Variants in PSD observed in about 807,000 individuals in gnomAD.
PSD encodes pleckstrin and Sec7 domain containing, also known as PH and SEC7 domain-containing protein 1.
Under a neutral mutation model 91.6 loss-of-function variants are expected in PSD, and 32 were observed. The observed-to-expected ratio is 0.35, with a 90% CI of 0.26 to 0.47. PSD has a LOEUF of 0.47. Ranked by LOEUF, PSD falls within the 20% of genes least tolerant of loss-of-function variation. The probability of loss-of-function intolerance (pLI) is 1.00; values close to 1 mark genes in which losing one functional copy is unlikely to be tolerated. For missense variants in PSD, 1,099 were observed against 1,373.9 expected (o/e 0.80, Z 3.16); for synonymous variants, 532 against 569.3 (o/e 0.93, Z 0.93).
Position 102,411,104 on chromosome 10 carries a change from G to T in PSD, c.1955C>A (p.Thr652Lys), listed in dbSNP as rs2061420325. The T allele has an allele frequency of 6.2e-7, 1 of 1,609,488 alleles. No homozygotes were observed. Among genetic ancestry groups the T allele is most frequent in the African/African-American group, 1.3e-5 (1 of 74,828 alleles). ...GAGCAGCATGAGCGCACAGGTCAGC[G>T]TGTGGGCGCCGTCTAGGGGAGAGCT... The part of the protein sequence containing the change: ...EALSSEDGAH[T>K]LTCALMLLNT... Residue 652 changes from threonine (T) to lysine (K), a missense_variant, in exon 9 of 17, where the codon ACG becomes AAG. Thr to Lys is a moderately conservative substitution (Grantham distance 78, BLOSUM62 -1). Around this residue, in one of 3 missense-constraint regions of PSD, gnomAD observed 110 missense variants for 218.7 expected, o/e 0.50. Transcript: ENST00000020673.
intron 10 of PSD, among the ~76,000 whole-genome samples, chr10:102,407,773 A>G (rs1323869208): frequency 6.6e-6 from 1 of 152,022 alleles, no homozygotes; most frequent in East Asian, 1.9e-4. Flanking sequence ...TTCCTTCCCT[A>G]ATAGAGAATA....
rs913411630 is a variant in PSD, at chr10:102,410,712, G to A, written c.2091+146C>T. 2.6e-5 allele frequency: 18 copies of A among 690,078 alleles called. No homozygotes were observed. In the Admixed American group the frequency reaches 3.9e-4, roughly 15 times the overall value. 42.7% of individuals were successfully genotyped at this position (690,078 alleles called of 1,614,324 possible). ...GGCCTGGGGAGGGGGCGGTCCCCAG[G>A]CTGAGTCACGAGAGCCCGGGCTTCC... On this transcript the variant is annotated intron_variant, in intron 10 of 16. Coordinates refer to ENST00000020673, the MANE Select transcript of PSD (RefSeq NM_002779.5). The surrounding 1 kb of genome is among the most constrained non-coding windows in gnomAD (Gnocchi z 6.0).
chr10:102,403,976 C>G lies in PSD; in HGVS notation c.2710G>C (p.Val904Leu). The G allele has an allele frequency of 6.4e-7, 1 of 1,556,586 alleles. No homozygotes were observed. Among genetic ancestry groups the G allele is most frequent in the African/African-American group, 1.4e-5 (1 of 73,802 alleles). The stretch of plus-strand genomic sequence containing the variant: ...TTCAGCTTGGCCTCGTGGGTCCGCA[C>G]CTGCTCCTCCTAGCGGCCAGGGGGA... ...AATRLSQEEQVRTHEAKLKAM... is the reference protein window; with the variant it reads ...AATRLSQEEQLRTHEAKLKAM... Residue 904 changes from valine to leucine, a missense_variant, in exon 16 of 17, where the codon GTG becomes CTG. By Grantham distance (32) the Val-to-Leu change is conservative. Around this residue, in one of 3 missense-constraint regions of PSD, gnomAD observed 358 missense variants for 426.5 expected, o/e 0.84. Transcript: ENST00000020673. The surrounding 1 kb of genome is among the most constrained non-coding windows in gnomAD (Gnocchi z 6.7).
intron 1 of PSD, among the ~76,000 whole-genome samples, chr10:102,418,060 AACAC>A (rs3061745): frequency 0.61 from 90,142 of 147,754 alleles, 27,413 homozygotes; most frequent in South Asian, 0.64. Flanking sequence ...CACACACACA[AACAC>A]ACACACACAC....
chr10:102,419,831 C>G (rs187270473), upstream of PSD: 48 of 197,940 alleles, frequency 2.4e-4, no homozygotes, highest in African/African-American at 9.3e-4. The surrounding 1 kb of genome is among the most constrained non-coding windows in gnomAD (Gnocchi z 4.8). Flanking sequence ...CCAGCTACCC[C>G]CTCCCTAAGC....
rs79266317 is a variant in PSD, at chr10:102,407,311, G to A, written c.2092-45C>T. The A allele has an allele frequency of 4.1e-4, 557 of 1,342,784 alleles. 2 individuals carry two copies. The African/African-American group carries it at 6.8e-3, about 16-fold the overall frequency. 83.2% of individuals were successfully genotyped at this position (1,342,784 alleles called of 1,614,324 possible). On this transcript the variant is annotated intron_variant, in intron 10 of 16. Transcript: ENST00000020673. ...AATTAGGGGGTTGTGGGTCAGTACCGCAGTGTCAGAGCTTAGAGCCTTCCC... is the reference window on the plus strand; with the variant it reads ...AATTAGGGGGTTGTGGGTCAGTACCACAGTGTCAGAGCTTAGAGCCTTCCC...
chr10:102,412,434 C>G lies in PSD; in HGVS notation c.1695G>C (p.Leu565=). ...LEAAQRLAKR[L]YRLDGFRKAD... ...CCTTCCTGAAGCCATCTAGTCGGTA[C>G]AGCCTCTTGGCCAGGCGCTGCGCAG... The change falls in exon 6 of 17, where the codon CTG becomes CTC. Residue 565 remains leucine (L), a synonymous_variant. Coordinates refer to ENST00000020673, the MANE Select transcript of PSD (RefSeq NM_002779.5). 1.2e-6 allele frequency: 2 copies of G among 1,614,200 alleles called. No individual in the cohort carries two copies. The highest frequency in any genetic ancestry group is 8.5e-7 in the Non-Finnish European group (1 of 1,180,038).
rs2061349166 is a variant in PSD at position 102,405,428 on chromosome 10, G to A, written c.2244C>T (p.Asp748=). ...GSGSGSSPFL[D]LTPEPGAAVY... ...CGGCAGCCCCAGGCTCGGGAGTCAG[G>A]TCCAGGAAAGGGCTGGAGCCACTGC... is the stretch of plus-strand genomic sequence containing the variant. Residue 748 remains aspartate (D), a synonymous_variant, in exon 12 of 17, where the codon GAC becomes GAT. Transcript: ENST00000020673. This position sits in a 1 kb window ranked among gnomAD's most constrained non-coding sequence, Gnocchi z 5.4. The A allele has an allele frequency of 1.2e-6, 2 of 1,613,800 alleles. No homozygotes were observed. Among genetic ancestry groups the A allele is most frequent in the Middle Eastern group, 1.7e-4 (1 of 6,060 alleles).
chr10:102,411,224 T>G, intron 8 of PSD, 108 bp from the exon 9 acceptor site: 1 of 1,036,840 alleles, frequency 9.6e-7, no homozygotes, highest in Middle Eastern at 2.7e-4. Flanking sequence ...GGCAACTTCC[T>G]ACCTCCTGAA....
Position 102,411,746 on chromosome 10 carries a change from G to A in PSD, c.1903C>T (p.Arg635Ter). 1.9e-6 allele frequency: 3 copies of A among 1,613,748 alleles called. No homozygotes were observed. The highest frequency in any genetic ancestry group is 1.6e-4 in the Middle Eastern group (1 of 6,062). The change falls in exon 8 of 17, where the codon CGA (arginine) becomes TGA (stop). Residue 635 changes from arginine to a stop codon, truncating the protein, a stop_gained. Coordinates refer to ENST00000020673, the MANE Select transcript of PSD (RefSeq NM_002779.5). LOFTEE classifies it high-confidence loss of function. ...RERVLAHFSQ[R>*]YFQCNPEALS... ...GCTTCAGGATTGCACTGGAAGTATCGCTGGGAGAAGTGGGCCAGCACGCGC... is the reference window on the plus strand; with the variant it reads ...GCTTCAGGATTGCACTGGAAGTATCACTGGGAGAAGTGGGCCAGCACGCGC...
intron 11 of PSD, among the ~76,000 whole-genome samples, chr10:102,406,784 C>A (rs140605307): frequency 2.0e-5 from 3 of 152,244 alleles, no homozygotes; most frequent in Admixed American, 6.5e-5. Flanking sequence ...GGATTACAGG[C>A]GTGAGCCACC....
At position 102,410,669 on chromosome 10, in the gene PSD, G is replaced by A. The variant is rs911442990; in HGVS notation, c.2091+189C>T. ...GACCGCACGCATGTGCGCATGTTCC[G>A]GGAGAGCCTGCGCGTGGGGCCTGGG... On this transcript the variant is annotated intron_variant, in intron 10 of 16. Transcript: ENST00000020673. The surrounding 1 kb of genome is among the most constrained non-coding windows in gnomAD (Gnocchi z 6.0). 3.3e-5 allele frequency among the ~76,000 whole-genome samples: 5 copies of A among 152,214 alleles called. No homozygotes were observed. The highest frequency in any genetic ancestry group is 6.5e-5 in the Admixed American group (1 of 15,286).
At position 102,418,420 on chromosome 10, in the gene PSD, T is replaced by G. The variant is rs1341310202; in HGVS notation, c.-84+281A>C. Among the ~76,000 whole-genome samples, 7 of 152,066 alleles carry G rather than the reference T, an allele frequency of 4.6e-5. No homozygotes were observed. In the East Asian group the frequency reaches 1.4e-3, roughly 29 times the overall value. ...ACACATACAGATGTACACATACAGA[T>G]GTACACACTCAAGCAGGGACACACA... On this transcript the variant is annotated intron_variant, in intron 1 of 16. Coordinates refer to ENST00000020673, the MANE Select transcript of PSD (RefSeq NM_002779.5).
chr10:102,405,418 C>G lies in PSD; in HGVS notation c.2254G>C (p.Glu752Gln). The G allele has an allele frequency of 6.2e-7, 1 of 1,613,536 alleles. No individual in the cohort carries two copies. Among genetic ancestry groups the G allele is most frequent in the Non-Finnish European group, 8.5e-7 (1 of 1,179,904 alleles). The change falls in exon 12 of 17, where the codon GAG becomes CAG. Residue 752 changes from glutamate to glutamine, a missense_variant. Physicochemically the swap from Glu to Gln is conservative, Grantham distance 29 (BLOSUM62 2). Coordinates refer to ENST00000020673, the MANE Select transcript of PSD (RefSeq NM_002779.5). The surrounding 1 kb of genome is among the most constrained non-coding windows in gnomAD (Gnocchi z 5.4). The part of the protein sequence containing the change: ...GSSPFLDLTP[E>Q]PGAAVYKHGA... Reference sequence around the variant, plus strand: ...TGCTTGTAGACGGCAGCCCCAGGCTCGGGAGTCAGGTCCAGGAAAGGGCTG... The same window carrying G: ...TGCTTGTAGACGGCAGCCCCAGGCTGGGGAGTCAGGTCCAGGAAAGGGCTG...
intron 10 of PSD, chr10:102,408,992 A>G: frequency 2.0e-6 from 2 of 987,204 alleles, no homozygotes; most frequent in Non-Finnish European, 2.4e-6. Context: ...GCCGTAGCAC[A>G]GGGTCTCCGC....
At position 102,404,471 on chromosome 10, in the gene PSD, C is replaced by T; in HGVS notation, c.2700+112G>A. 1.5e-6 allele frequency: 2 copies of T among 1,372,016 alleles called. No homozygotes were observed. Among genetic ancestry groups the T allele is most frequent in the South Asian group, 2.9e-5 (2 of 70,132 alleles). 85.0% of individuals were successfully genotyped at this position (1,372,016 alleles called of 1,614,324 possible). ...AGTCCCTGCTCACCCCTGTGGCCAG[C>T]ATCCTGGTGCAGGGGACATCTCCAC... On this transcript the variant is annotated intron_variant, in intron 15 of 16. Coordinates refer to ENST00000020673, the MANE Select transcript of PSD (RefSeq NM_002779.5). The surrounding 1 kb of genome is among the most constrained non-coding windows in gnomAD (Gnocchi z 5.7).
Position 102,415,283 on chromosome 10 carries a change from C to T in PSD, c.758-54G>A, listed in dbSNP as rs2061466304. ...GAGGTTATCCACGTCAGCTCCCTGTCCTAATTCTGCTCTAGGATCTCTGCC... is the reference window on the plus strand; with the variant it reads ...GAGGTTATCCACGTCAGCTCCCTGTTCTAATTCTGCTCTAGGATCTCTGCC... On this transcript the variant is annotated intron_variant, in intron 3 of 16. Transcript: ENST00000020673. The T allele has an allele frequency of 8.5e-6, 13 of 1,524,618 alleles. No homozygotes were observed. In the South Asian group the frequency reaches 1.6e-4, roughly 19 times the overall value. 94.4% of individuals were successfully genotyped at this position (1,524,618 alleles called of 1,614,324 possible).
Position 102,410,037 on chromosome 10 carries a change from A to G in PSD, c.2091+821T>C, listed in dbSNP as rs1241409943. Among the ~76,000 whole-genome samples, 1 of 152,168 alleles carries G rather than the reference A, an allele frequency of 6.6e-6. No individual in the cohort carries two copies. Among genetic ancestry groups the G allele is most frequent in the Admixed American group, 6.5e-5 (1 of 15,280 alleles). On this transcript the variant is annotated intron_variant, in intron 10 of 16. Coordinates refer to ENST00000020673, the MANE Select transcript of PSD (RefSeq NM_002779.5). The surrounding 1 kb of genome is among the most constrained non-coding windows in gnomAD (Gnocchi z 6.0). ...CAGCTCACCATGGACGTTCCCTCTC[A>G]GATATACCCCAAACTCAGAAGCCCA... is the stretch of plus-strand genomic sequence containing the variant.
In PSD at chr10:102,403,767, C is replaced by T. The variant is rs1000621959; in HGVS notation, c.2844+75G>A. 17 of 1,518,506 alleles carry T rather than the reference C, an allele frequency of 1.1e-5. No individual in the cohort carries two copies. In the Admixed American group the frequency reaches 2.1e-4, roughly 19 times the overall value. The allele number at this position is 1,518,506 out of a possible 1,614,324, so 94.1% of individuals were successfully genotyped here. ...CTGCCCAAGGACCTCCGGCCGGTTC[C>T]ACTGTTAGAGTTCATGCCCTTCACC... On this transcript the variant is annotated intron_variant, in intron 16 of 16. Transcript: ENST00000020673. The surrounding 1 kb of genome is among the most constrained non-coding windows in gnomAD (Gnocchi z 6.7).
Sources: gnomAD v4.1 joint callset for allele counts (sites outside exome capture counted in the v4.1 genomes callset) on GRCh38, gnomAD v4.1.1 for gene constraint, gnomAD v4.1.1 regional missense constraint, Gnocchi (gnomAD v3.1) non-coding constraint, MANE v1.5 for transcripts, NCBI Gene and HGNC (gene_info 2026-07-23, HGNC 2026-07-21) for gene names.